Variants in RAB31 observed in about 807,000 individuals in gnomAD.
RAB31 encodes the protein ras-related protein Rab-31.
A neutral mutation model predicts 25.6 loss-of-function variants in RAB31; 21 were observed. That is an observed-to-expected ratio of 0.82 (90% CI 0.58 to 1.18). The LOEUF (loss-of-function observed/expected upper bound fraction) is 1.18. RAB31 is among the 50% of genes most tolerant of loss of function. The pLI, the probability that RAB31 is intolerant of heterozygous loss-of-function variation, is 0.00. For synonymous variants in RAB31, 87 were observed against 84.0 expected (o/e 1.04, Z -0.20); for missense variants, 196 against 250.1 (o/e 0.78, Z 1.46).
intron 5 of RAB31, among the ~76,000 whole-genome samples, chr18:9,835,977 C>G: frequency 6.6e-6 from 1 of 152,020 alleles, no homozygotes; most frequent in East Asian, 1.9e-4. Flanking sequence ...CGCGTCAGAG[C>G]ACACACAGCC....
intron 5 of RAB31, among the ~76,000 whole-genome samples, chr18:9,823,257 G>A (rs910191372): frequency 6.6e-6 from 1 of 152,246 alleles, no homozygotes; most frequent in Non-Finnish European, 1.5e-5. Context: ...AGTAGGGGTG[G>A]GGGACGGGGA....
intron 5 of RAB31, among the ~76,000 whole-genome samples, chr18:9,818,114 GCAA>G (rs1212553822): frequency 6.6e-6 from 1 of 152,196 alleles, no homozygotes; most frequent in East Asian, 1.9e-4. Context: ...ATTGAATCAA[GCAA>G]CAAGAAGCTG....
intron 3 of RAB31, 39 bp downstream of exon 3, chr18:9,792,274 T>A (rs1211978666): frequency 6.3e-7 from 1 of 1,579,986 alleles, no homozygotes; most frequent in African/African-American, 1.3e-5. Flanking sequence ...CAAGATCCAG[T>A]GAAAATAAGA....
At chr18:9,839,590 T>C (rs1461580935) in intron 5 of RAB31, among the ~76,000 whole-genome samples, 2 of 151,946 alleles carry the variant, frequency 1.3e-5, no homozygotes, top group Non-Finnish European at 2.9e-5. Context: ...TCACAGAGCA[T>C]TGAGGTTTGC....
chr18:9,712,919 T>A (rs1305359048), intron 1 of RAB31, among the ~76,000 whole-genome samples: 1 of 152,222 alleles, frequency 6.6e-6, no homozygotes, highest in Non-Finnish European at 1.5e-5. Flanking sequence ...CATCTTGTGA[T>A]CTTTGTTGGA....
intron 5 of RAB31, among the ~76,000 whole-genome samples, chr18:9,818,224 A>G (rs1289594594): frequency 6.6e-6 from 1 of 152,218 alleles, no homozygotes; most frequent in Non-Finnish European, 1.5e-5. Context: ...ATTGAGGTAA[A>G]TTACAAAACA....
At chr18:9,743,034 T>C (rs964313872) in intron 1 of RAB31, among the ~76,000 whole-genome samples, 2 of 152,250 alleles carry the variant, frequency 1.3e-5, no homozygotes, top group African/African-American at 4.8e-5. Context: ...TGGTTTGGAC[T>C]TGTCCATTTA....
intron 3 of RAB31, among the ~76,000 whole-genome samples, chr18:9,807,382 T>C (rs1461971805): frequency 6.6e-6 from 1 of 151,368 alleles, no homozygotes; most frequent in Non-Finnish European, 1.5e-5. Context: ...GAGGGCAAGA[T>C]GAGACTAACT....
At chr18:9,804,487 G>C (rs1430639404) in intron 3 of RAB31, among the ~76,000 whole-genome samples, 1 of 152,130 alleles carries the variant, frequency 6.6e-6, no homozygotes, top group Non-Finnish European at 1.5e-5. Context: ...GGGGTCTGGA[G>C]GTGGATTTGC....
chr18:9,737,276 C>G (rs2068155573), intron 1 of RAB31, among the ~76,000 whole-genome samples: 1 of 152,112 alleles, frequency 6.6e-6, no homozygotes, highest in Admixed American at 6.6e-5. Context: ...TAAGATTCAC[C>G]CCAGCCATGC....
intron 3 of RAB31, among the ~76,000 whole-genome samples, chr18:9,803,155 G>C (rs914768378): frequency 6.6e-6 from 1 of 152,114 alleles, no homozygotes; most frequent in South Asian, 2.1e-4. Flanking sequence ...CTCCTCATGG[G>C]AGAGGATAGA....
At chr18:9,718,385 A>C (rs1186825441) in intron 1 of RAB31, among the ~76,000 whole-genome samples, 3 of 151,904 alleles carry the variant, frequency 2.0e-5, no homozygotes, top group Non-Finnish European at 4.4e-5. Context: ...TCAGCCTCCC[A>C]AGTAGCTGGG....
chr18:9,709,410 G>T (rs932359951), intron 1 of RAB31, among the ~76,000 whole-genome samples: 1 of 152,204 alleles, frequency 6.6e-6, no homozygotes, highest in Non-Finnish European at 1.5e-5. Context: ...CATTGGCAAA[G>T]CTGGTCTCAT....
At position 9,730,380 on chromosome 18, in the gene RAB31, G is replaced by A. The variant is rs528150907; in HGVS notation, c.39+21936G>A. ...TGGCTCACTGCAGCCTCTGCCTCTC[G>A]GGCTCAGACAATTCTCCCGTCTCAG... On this transcript the variant is annotated intron_variant, in intron 1 of 6. Transcript: ENST00000578921. 9.3e-4 allele frequency among the ~76,000 whole-genome samples: 140 copies of A among 150,280 alleles called. 1 individual carries two copies. In the Middle Eastern group the frequency reaches 0.01, roughly 11 times the overall value.
intron 3 of RAB31, among the ~76,000 whole-genome samples, chr18:9,813,405 T>C (rs1472530487): frequency 6.6e-6 from 1 of 152,154 alleles, no homozygotes; most frequent in Non-Finnish European, 1.5e-5. Flanking sequence ...TCAGTTATAT[T>C]AGAGAAATGA....
In RAB31 at chr18:9,708,359, G is replaced by T; in HGVS notation, c.-47G>T. On this transcript the variant is annotated 5_prime_UTR_variant, in exon 1 of 7. Transcript: ENST00000578921. The surrounding 1 kb of genome is among the most constrained non-coding windows in gnomAD (Gnocchi z 6.4). ...ACGCCGGCGGGGCGCGGGCGCGGCGGCCCCGGAGGATGCTGCTGAGCCCCG... is the reference window on the plus strand; with the variant it reads ...ACGCCGGCGGGGCGCGGGCGCGGCGTCCCCGGAGGATGCTGCTGAGCCCCG... 2 of 1,459,354 alleles carry T rather than the reference G, an allele frequency of 1.4e-6. No homozygotes were observed. Among genetic ancestry groups the T allele is most frequent in the Non-Finnish European group, 9.1e-7 (1 of 1,094,604 alleles). 90.4% of individuals were successfully genotyped at this position (1,459,354 alleles called of 1,614,324 possible).
chr18:9,827,718 G>A (rs1172599465), intron 5 of RAB31, among the ~76,000 whole-genome samples: 1 of 152,148 alleles, frequency 6.6e-6, no homozygotes, highest in East Asian at 1.9e-4. Flanking sequence ...TGAAAATAGG[G>A]TAGGGTAGGA....
chr18:9,723,256 C>G (rs1016691346), intron 1 of RAB31, among the ~76,000 whole-genome samples: 36 of 152,074 alleles, frequency 2.4e-4, no homozygotes, highest in Non-Finnish European at 4.7e-4. Flanking sequence ...CCATGTTGTC[C>G]AGGCTGGTCT....
At chr18:9,730,122 T>C (rs936299750) in intron 1 of RAB31, among the ~76,000 whole-genome samples, 9 of 152,232 alleles carry the variant, frequency 5.9e-5, no homozygotes, top group African/African-American at 4.8e-5. Flanking sequence ...ATAGCATCGC[T>C]GTGGGTGTAG....
Sources: allele counts gnomAD v4.1 joint callset (sites outside exome capture counted in the v4.1 genomes callset), GRCh38; gene constraint gnomAD v4.1.1; non-coding constraint Gnocchi (gnomAD v3.1); transcripts MANE v1.5; gene names NCBI Gene and HGNC (gene_info 2026-07-23, HGNC 2026-07-21).